The following CEP41 variants were observed in gnomAD, a reference collection of about 807,000 sequenced individuals.
CEP41 encodes the protein centrosomal protein of 41 kDa.
In CEP41, 32 loss-of-function variants were observed where a neutral mutation model predicts 44.3. The ratio of observed to expected loss-of-function variants is 0.72; its 90% CI spans 0.54 to 0.97. CEP41 has a LOEUF of 0.97. CEP41 is among the 50% of genes least tolerant of loss of function. The pLI is 0.00. For synonymous variants in CEP41, 151 were observed against 168.5 expected (o/e 0.90, Z 0.80); for missense variants, 432 against 455.2 (o/e 0.95, Z 0.46).
rs1554419645 is a variant in CEP41, at chr7:130,411,207, A to G, written c.208-16T>C. 1.2e-6 allele frequency: 2 copies of G among 1,603,768 alleles called. No homozygotes were observed. The highest frequency in any genetic ancestry group is 4.5e-5 in the East Asian group (2 of 44,822). On this transcript the variant is annotated splice_polypyrimidine_tract_variant and intron_variant, in intron 4 of 10. Transcript: ENST00000223208. ...CTTGGATGATCTGATAGAAAAAAGA[A>G]TGAAATGTGTGGATGTTTGTTTGTT...
At chr7:130,410,899 A>G in intron 5 of CEP41, 1 of 604,722 alleles carries the variant, frequency 1.7e-6, no homozygotes. Flanking sequence ...CACATCTAAA[A>G]CATTTAAAAC....
At position 130,395,754 on chromosome 7, in the gene CEP41, T is replaced by A. The variant is rs1796638917; in HGVS notation, c.*3137A>T. The A allele has an allele frequency of 4.4e-6, 2 of 453,780 alleles. No individual in the cohort carries two copies. Among genetic ancestry groups the A allele is most frequent in the Non-Finnish European group, 8.8e-6 (2 of 226,766 alleles). The allele number at this position is 453,780 out of a possible 1,614,324, so 28.1% of individuals were successfully genotyped here. A position where few individuals can be genotyped will look rare whatever the true frequency, so the allele number is the denominator to read the frequency against. On this transcript the variant is annotated 3_prime_UTR_variant, in exon 11 of 11. Transcript: ENST00000223208. ...AGTAGCCTAAAGTCTTAAGAATTTT[T>A]GTATAATTTAAATAGCACCACAGGA...
chr7:130,440,832 C>T, intron 1 of CEP41, 102 bp downstream of exon 1: 1 of 1,342,004 alleles, frequency 7.5e-7, no homozygotes, highest in Non-Finnish European at 1.1e-6. Context: ...CCCCTTCCCG[C>T]CTTCCGGGCG....
chr7:130,430,887 C>T (rs782439832), intron 1 of CEP41, among the ~76,000 whole-genome samples: 7 of 152,018 alleles, frequency 4.6e-5, no homozygotes, highest in Non-Finnish European at 1.0e-4. Flanking sequence ...TTGTCCATAC[C>T]TAAGCCAAAA....
intron 2 of CEP41, among the ~76,000 whole-genome samples, chr7:130,417,738 GATTCA>G (rs769687733): frequency 1.3e-5 from 2 of 152,182 alleles, no homozygotes; most frequent in Non-Finnish European, 2.9e-5. Context: ...GCTTCGATTT[GATTCA>G]ATTCAACGCA....
intron 1 of CEP41, among the ~76,000 whole-genome samples, chr7:130,433,261 G>A (rs1427096851): frequency 1.3e-5 from 2 of 151,914 alleles, no homozygotes; most frequent in Admixed American, 1.3e-4. Flanking sequence ...GACAGTAGCT[G>A]GATGATCTTT....
intron 2 of CEP41, among the ~76,000 whole-genome samples, chr7:130,423,240 G>A (rs530440431): frequency 2.0e-5 from 3 of 152,086 alleles, no homozygotes; most frequent in Non-Finnish European, 4.4e-5. Flanking sequence ...GAGCCACTGC[G>A]CCCAGCCAAA....
At chr7:130,441,286 A>C, upstream of CEP41, 1 of 432,726 alleles carries the variant, frequency 2.3e-6, no homozygotes, top group East Asian at 4.8e-5. Context: ...CGCCTGCGCA[A>C]AGCCGGGGGC....
chr7:130,435,267 G>C (rs1797929430), intron 1 of CEP41, among the ~76,000 whole-genome samples: 1 of 151,758 alleles, frequency 6.6e-6, no homozygotes. Flanking sequence ...TAAAAGTATA[G>C]AATTAAAAAT....
chr7:130,424,654 C>A (rs1196729143), intron 2 of CEP41, among the ~76,000 whole-genome samples: 2 of 151,976 alleles, frequency 1.3e-5, no homozygotes, highest in African/African-American at 4.8e-5. Context: ...AATTGAATAT[C>A]CGTAAGCAAA....
chr7:130,412,577 C>A (rs570862143), intron 3 of CEP41, among the ~76,000 whole-genome samples: 43 of 152,278 alleles, frequency 2.8e-4, no homozygotes, highest in African/African-American at 9.9e-4. Flanking sequence ...TTTTTGTAAG[C>A]CGCCTCAAAT....
intron 2 of CEP41, among the ~76,000 whole-genome samples, chr7:130,423,331 A>G (rs1554422674): frequency 1.3e-5 from 2 of 152,268 alleles, no homozygotes; most frequent in African/African-American, 4.8e-5. Flanking sequence ...ACATTTCTCC[A>G]TAAGAGATAT....
At chr7:130,422,896 A>T (rs1322887201) in intron 2 of CEP41, among the ~76,000 whole-genome samples, 2 of 152,206 alleles carry the variant, frequency 1.3e-5, no homozygotes, top group Non-Finnish European at 2.9e-5. Context: ...ATATTTGCAA[A>T]TCATATTTCT....
intron 2 of CEP41, among the ~76,000 whole-genome samples, chr7:130,427,372 G>A (rs782270701): frequency 2.6e-5 from 4 of 152,096 alleles, no homozygotes; most frequent in Non-Finnish European, 5.9e-5. Context: ...TGGGAACAGC[G>A]TGGAAATAAG....
intron 2 of CEP41, chr7:130,421,279 A>G: frequency 3.0e-6 from 3 of 985,468 alleles, no homozygotes; most frequent in Non-Finnish European, 3.6e-6. Context: ...TCTAAAGTAG[A>G]TGAGATTTAT....
chr7:130,441,018 A>G (rs1667535496), upstream of CEP41: 14 of 1,594,136 alleles, frequency 8.8e-6, no homozygotes, highest in Non-Finnish European at 1.2e-5. Context: ...GTTGCCTCTA[A>G]CCCTAGCTTC....
At position 130,393,782 on chromosome 7, in the gene CEP41, T is replaced by G. The variant is rs1796583677; in HGVS notation, c.*5109A>C. 2.2e-6 allele frequency: 1 copy of G among 450,056 alleles called. No homozygotes were observed. Among genetic ancestry groups the G allele is most frequent in the Admixed American group, 2.4e-5 (1 of 41,942 alleles). The allele number at this position is 450,056 out of a possible 1,614,324, so 27.9% of individuals were successfully genotyped here. A position where few individuals can be genotyped will look rare whatever the true frequency, so the allele number is the denominator to read the frequency against. On this transcript the variant is annotated 3_prime_UTR_variant, in exon 11 of 11. Coordinates refer to ENST00000223208, the MANE Select transcript of CEP41 (RefSeq NM_018718.3). ...AGATCAGGCACAAATCATATCAATA[T>G]GGTTTACTGAATGAATGGCTAGACC...
At chr7:130,410,274 G>T (rs187849991) in intron 5 of CEP41, among the ~76,000 whole-genome samples, 3 of 151,742 alleles carry the variant, frequency 2.0e-5, no homozygotes, top group African/African-American at 7.3e-5. Context: ...TGATCTGCCC[G>T]CCTTGGCCTC....
intron 3 of CEP41, among the ~76,000 whole-genome samples, chr7:130,415,889 G>A (rs184098843): frequency 1.8e-3 from 279 of 152,236 alleles, no homozygotes; most frequent in African/African-American, 6.4e-3. Context: ...AAATGTTCAG[G>A]AAGAAAAGAG....
Sources: allele counts gnomAD v4.1 joint callset (sites outside exome capture counted in the v4.1 genomes callset), GRCh38; gene constraint gnomAD v4.1.1; transcripts MANE v1.5; gene names NCBI Gene and HGNC (gene_info 2026-07-23, HGNC 2026-07-21).